LMF1: variants seen among roughly 807,000 people sequenced by gnomAD.
The protein encoded by LMF1 is transmembrane protein 112.
In LMF1, 68 loss-of-function variants were observed where a neutral mutation model predicts 60.6. That is an observed-to-expected ratio of 1.12 (90% CI 0.92 to 1.37). LMF1 has a LOEUF of 1.37. Among genes scored for constraint, LMF1 ranks in the 40% most tolerant of loss-of-function variants. The pLI, the probability that LMF1 is intolerant of heterozygous loss-of-function variation, is 0.00. For missense variants in LMF1, 948 were observed against 767.2 expected, an observed-to-expected ratio of 1.24 and a Z score of -2.78; for synonymous variants, 418 against 324.7, an observed-to-expected ratio of 1.29 and a Z score of -3.09.
Position 853,797 on chromosome 16 carries a change from G to C in LMF1, c.*735C>G, listed in dbSNP as rs771557356. On this transcript the variant is annotated 3_prime_UTR_variant, in exon 11 of 11. Transcript: ENST00000262301. Reference sequence around the variant, plus strand: ...CCTCCGATTGAGGGGCCTTGTCAAGGCCTCAGAGGCAGCGAGGTCACAGCC... The same window carrying C: ...CCTCCGATTGAGGGGCCTTGTCAAGCCCTCAGAGGCAGCGAGGTCACAGCC... The C allele has an allele frequency of 4.4e-6, 2 of 454,036 alleles. No homozygotes were observed. Among genetic ancestry groups the C allele is most frequent in the African/African-American group, 2.0e-5 (1 of 50,016 alleles). The allele number at this position is 454,036 out of a possible 1,614,324, so 28.1% of individuals were successfully genotyped here. A position where few individuals can be genotyped will look rare whatever the true frequency, so the allele number is the denominator to read the frequency against.
chr16:950,460 C>T (rs1221706547), intron 2 of LMF1, among the ~76,000 whole-genome samples: 1 of 126,354 alleles, frequency 7.9e-6, no homozygotes, highest in Admixed American at 8.1e-5. Context: ...CAGCCAACGA[C>T]AGAGTCAGCC....
chr16:882,641 G>C (rs902411330), intron 5 of LMF1, among the ~76,000 whole-genome samples: 3 of 151,788 alleles, frequency 2.0e-5, no homozygotes, highest in African/African-American at 7.3e-5. Context: ...CAGGAGAAGA[G>C]CTGCCCAGCA....
intron 4 of LMF1, among the ~76,000 whole-genome samples, chr16:907,659 T>C (rs1012767018): frequency 1.3e-5 from 2 of 152,128 alleles, no homozygotes; most frequent in Non-Finnish European, 2.9e-5. Context: ...GCGGCGCTGG[T>C]TGTGACCCAA....
Position 854,551 on chromosome 16 carries a change from G to C in LMF1, c.1685C>G (p.Pro562Arg), listed in dbSNP as rs4984948. ...GCACGTCTAGAGGGGCCCGGGCAGAGGCCACCCACGGTCCCTGAAGTAGGG... is the reference window on the plus strand; with the variant it reads ...GCACGTCTAGAGGGGCCCGGGCAGACGCCACCCACGGTCCCTGAAGTAGGG... ...LRPYFRDRGW[P>R]LPGPL The change falls in exon 11 of 11, where the codon CCT becomes CGT. Residue 562 changes from proline (P) to arginine (R), a missense_variant. Pro to Arg is a moderately radical substitution (Grantham distance 103). Transcript: ENST00000262301. 0.02 allele frequency: 32,103 copies of C among 1,608,040 alleles called. 1,477 individuals carry two copies. Among genetic ancestry groups the C allele is most frequent in the Admixed American group, 0.16 (9,370 of 59,394 alleles).
chr16:911,527 C>G (rs1385143953), intron 3 of LMF1, among the ~76,000 whole-genome samples: 3 of 112,440 alleles, frequency 2.7e-5, no homozygotes, highest in African/African-American at 1.2e-4. Flanking sequence ...ACTGGGGAGG[C>G]AGCACTGGGG....
At chr16:947,612 T>C (rs1198986574) in intron 2 of LMF1, 2 of 455,876 alleles carry the variant, frequency 4.4e-6, no homozygotes, top group South Asian at 1.5e-5. Context: ...TGAGGTGTCC[T>C]GACTTTGGTC....
intron 9 of LMF1, 126 bp downstream of exon 9, chr16:869,757 A>ATCCCATCTCTCCCAGCC (rs1394022579): frequency 3.0e-6 from 3 of 997,572 alleles, no homozygotes; most frequent in African/African-American, 1.6e-5. Context: ...CTCAGGCAGG[A>ATCCCATCTCTCCCAGCC]TCCCATCTCT....
At chr16:876,168 C>T (rs1239557418) in intron 6 of LMF1, among the ~76,000 whole-genome samples, 1 of 152,258 alleles carries the variant, frequency 6.6e-6, no homozygotes, top group African/African-American at 2.4e-5. Context: ...ACGTGCGGAC[C>T]ACGGGCGTCT....
chr16:952,620 C>T (rs2151471216), intron 2 of LMF1: 1 of 154,150 alleles, frequency 6.5e-6, no homozygotes, highest in African/African-American at 2.4e-5. Flanking sequence ...GTTCCGACCA[C>T]TCAGCCCTGA....
At chr16:912,549 C>A (rs553323025) in intron 3 of LMF1, among the ~76,000 whole-genome samples, 1 of 152,194 alleles carries the variant, frequency 6.6e-6, no homozygotes, top group Non-Finnish European at 1.5e-5. Context: ...GGAGGCAGCG[C>A]GACCCTGGTC....
At chr16:971,031 CCCATTCTCGGAGGCCCCGCCT>C (rs1454491102), upstream of LMF1, 1 of 1,368,384 alleles carries the variant, frequency 7.3e-7, no homozygotes. Context: ...GGAGGCCCCG[CCCATTCTCGGAGGCCCCGCCT>C]CTCCCTGGCC....
At chr16:926,113 G>T (rs1443542604) in intron 3 of LMF1, among the ~76,000 whole-genome samples, 1 of 151,972 alleles carries the variant, frequency 6.6e-6, no homozygotes, top group Non-Finnish European at 1.5e-5. Flanking sequence ...GTTTGCATAT[G>T]ATCTGAATAT....
Position 853,887 on chromosome 16 carries a change from G to A in LMF1, c.*645C>T. 1 of 454,134 alleles carries A rather than the reference G, an allele frequency of 2.2e-6. No individual in the cohort carries two copies. Among genetic ancestry groups the A allele is most frequent in the South Asian group, 1.6e-5 (1 of 64,478 alleles). The allele number at this position is 454,134 out of a possible 1,614,324, so 28.1% of individuals were successfully genotyped here. A position where few individuals can be genotyped will look rare whatever the true frequency, so the allele number is the denominator to read the frequency against. On this transcript the variant is annotated 3_prime_UTR_variant, in exon 11 of 11. Transcript: ENST00000262301. ...TCACAGACACCAGTCATGGGGGGAT[G>A]AAACCGGGCCAAGAACACATGTGTG...
intron 2 of LMF1, among the ~76,000 whole-genome samples, chr16:950,877 G>A (rs77195070): frequency 0.26 from 11,097 of 43,506 alleles, 2,578 homozygotes; most frequent in African/African-American, 0.51. Context: ...AGCCAAGGAC[G>A]GAGTCAGAGC....
intron 3 of LMF1, among the ~76,000 whole-genome samples, chr16:925,929 A>G (rs916142193): frequency 2.1e-4 from 32 of 152,380 alleles, no homozygotes; most frequent in African/African-American, 7.7e-4. Context: ...GTGTTTGCAT[A>G]TGATCTGCAT....
At chr16:882,444 G>T (rs1424927668) in intron 5 of LMF1, among the ~76,000 whole-genome samples, 2 of 152,244 alleles carry the variant, frequency 1.3e-5, no homozygotes, top group Non-Finnish European at 2.9e-5. Context: ...CCACCAAGCT[G>T]TGAGGAAGCC....
chr16:887,279 C>G (rs1036811005), intron 5 of LMF1: 1 of 152,404 alleles, frequency 6.6e-6, no homozygotes, highest in African/African-American at 2.4e-5. Flanking sequence ...CAGCCAGGAG[C>G]AGCCCCAGCC....
At position 889,876 on chromosome 16, in the gene LMF1, A is replaced by T. The variant is rs183076778; in HGVS notation, c.729+3131T>A. On this transcript the variant is annotated intron_variant, in intron 5 of 10. Coordinates refer to ENST00000262301, the MANE Select transcript of LMF1 (RefSeq NM_022773.4). ...AGGGAGCATCCTCGTCCGAGACACA[A>T]GTCTGAGGTGAGAGGGGGGATGCAG... Among the ~76,000 whole-genome samples, 4 of 152,262 alleles carry T rather than the reference A, an allele frequency of 2.6e-5. No individual in the cohort carries two copies. The East Asian group carries it at 7.7e-4, about 29-fold the overall frequency.
chr16:909,050 A>AC (rs914789187), intron 4 of LMF1, among the ~76,000 whole-genome samples: 1 of 151,778 alleles, frequency 6.6e-6, no homozygotes, highest in African/African-American at 2.4e-5. Flanking sequence ...GCCTGCAGTG[A>AC]CCCCTCCCAA....
Sources: allele counts gnomAD v4.1 joint callset (sites outside exome capture counted in the v4.1 genomes callset), GRCh38; gene constraint gnomAD v4.1.1; transcripts MANE v1.5; gene names NCBI Gene and HGNC (gene_info 2026-07-23, HGNC 2026-07-21).